The following CSMD1 variants were observed in gnomAD, a reference collection of about 807,000 sequenced individuals.
CSMD1 encodes the protein CUB and Sushi multiple domains 1.
In CSMD1, 213 loss-of-function variants were observed where a neutral mutation model predicts 417.5. The observed-to-expected ratio is 0.51, with a 90% CI of 0.46 to 0.57. The LOEUF is 0.57. Ranked by LOEUF, CSMD1 falls within the 20% of genes least tolerant of loss-of-function variation. The pLI, the probability that CSMD1 is intolerant of heterozygous loss-of-function variation, is 0.00. For missense variants in CSMD1, 6,923 were observed against 4,529.7 expected, an observed-to-expected ratio of 1.53 and a Z score of -15.17; for synonymous variants, 2,862 against 1,736.8, an observed-to-expected ratio of 1.65 and a Z score of -16.11.
At chr8:3,361,686 T>C (rs1355862051) in intron 20 of CSMD1, among the ~76,000 whole-genome samples, 1 of 150,020 alleles carries the variant, frequency 6.7e-6, no homozygotes, top group African/African-American at 2.4e-5. Context: ...ACAAAAACAT[T>C]CTTGCCAAAC....
At chr8:3,641,759 G>A (rs543956317) in intron 7 of CSMD1, among the ~76,000 whole-genome samples, 5 of 152,198 alleles carry the variant, frequency 3.3e-5, no homozygotes, top group South Asian at 2.1e-4. Context: ...GCTACCACTC[G>A]GTACCCAACC....
intron 8 of CSMD1, chr8:3,598,372 C>A (rs1801192803): frequency 6.6e-6 from 1 of 152,088 alleles, no homozygotes; most frequent in African/African-American, 2.4e-5. Flanking sequence ...TCATTTAGAT[C>A]CAGCCCTTAA....
At chr8:4,770,025 C>T (rs965887753) in intron 1 of CSMD1, among the ~76,000 whole-genome samples, 2 of 151,994 alleles carry the variant, frequency 1.3e-5, no homozygotes, top group Non-Finnish European at 2.9e-5. Flanking sequence ...TATTCTGTTA[C>T]TCCGGTTCCT....
intron 1 of CSMD1, among the ~76,000 whole-genome samples, chr8:4,717,566 C>CTAT (rs71223305): frequency 9.3e-5 from 13 of 139,380 alleles, no homozygotes; most frequent in African/African-American, 2.8e-4. Context: ...ATCTATCTAT[C>CTAT]CATCCATCCA....
intron 10 of CSMD1, among the ~76,000 whole-genome samples, chr8:3,504,949 A>T (rs1200386596): frequency 6.6e-6 from 1 of 152,188 alleles, no homozygotes; most frequent in Admixed American, 6.5e-5. Flanking sequence ...ATGCTTAAGC[A>T]CAACAACAAA....
chr8:4,323,643 A>T (rs546092597), intron 3 of CSMD1, among the ~76,000 whole-genome samples: 1 of 152,168 alleles, frequency 6.6e-6, no homozygotes, highest in South Asian at 2.1e-4. Context: ...AGGAGAAAAA[A>T]CAAATAAGGG....
At chr8:4,377,288 G>A (rs1802812823) in intron 3 of CSMD1, among the ~76,000 whole-genome samples, 1 of 152,174 alleles carries the variant, frequency 6.6e-6, no homozygotes, top group African/African-American at 2.4e-5. Flanking sequence ...GAGAGCAAAA[G>A]GGAGGAGGAG....
intron 2 of CSMD1, among the ~76,000 whole-genome samples, chr8:4,449,644 T>A (rs146763090): frequency 1.3e-5 from 2 of 152,078 alleles, no homozygotes; most frequent in East Asian, 3.9e-4. Flanking sequence ...GCAATCCACA[T>A]AGATCATGAA....
chr8:3,591,472 C>G (rs985888107), intron 8 of CSMD1, among the ~76,000 whole-genome samples: 2 of 152,150 alleles, frequency 1.3e-5, no homozygotes, highest in Non-Finnish European at 2.9e-5. Context: ...ACTTATTAAA[C>G]ATTGGTATCA....
At chr8:4,042,543 T>C (rs1170570117) in intron 3 of CSMD1, among the ~76,000 whole-genome samples, 1 of 151,864 alleles carries the variant, frequency 6.6e-6, no homozygotes, top group African/African-American at 2.4e-5. Flanking sequence ...ACAAGGAATA[T>C]TAAAATGAGT....
chr8:3,228,659 C>G (rs1217745758), intron 27 of CSMD1, among the ~76,000 whole-genome samples: 1 of 152,048 alleles, frequency 6.6e-6, no homozygotes, highest in East Asian at 1.9e-4. Context: ...AGGAGATGGC[C>G]AACTTTTATA....
rs2130116858 is a variant in CSMD1 at position 4,479,564 on chromosome 8, A to G, written c.303-59499T>C. ...CACTCGTTTCACTTCCAGAGCACAA[A>G]TAACATTTTTCTCTAAAATTTTAGT... On this transcript the variant is annotated intron_variant, in intron 2 of 69. Transcript: ENST00000635120. 1.3e-5 allele frequency among the ~76,000 whole-genome samples: 2 copies of G among 152,282 alleles called. 1 individual carries two copies. Among genetic ancestry groups the G allele is most frequent in the South Asian group, 4.1e-4 (2 of 4,828 alleles).
intron 46 of CSMD1, among the ~76,000 whole-genome samples, chr8:3,103,027 C>A (rs779484756): frequency 9.2e-5 from 14 of 152,174 alleles, no homozygotes; most frequent in Non-Finnish European, 1.6e-4. Flanking sequence ...AGACTAATCA[C>A]CCCAGCACCT....
chr8:3,237,163 A>T (rs1799202107), intron 26 of CSMD1, among the ~76,000 whole-genome samples: 1 of 151,746 alleles, frequency 6.6e-6, no homozygotes, highest in Admixed American at 6.6e-5. Flanking sequence ...AGAGAGATAT[A>T]TATATAGTCT....
chr8:4,956,596 CAG>C (rs1413646002), intron 1 of CSMD1, among the ~76,000 whole-genome samples: 2 of 150,170 alleles, frequency 1.3e-5, no homozygotes, highest in African/African-American at 4.9e-5. Flanking sequence ...ATCATCATAA[CAG>C]ATATTTTTAT....
intron 11 of CSMD1, among the ~76,000 whole-genome samples, chr8:3,475,657 T>A (rs552452225): frequency 6.6e-5 from 10 of 152,222 alleles, no homozygotes; most frequent in Non-Finnish European, 1.3e-4. Flanking sequence ...CAGATTTCAG[T>A]GAAGATACTG....
intron 8 of CSMD1, among the ~76,000 whole-genome samples, chr8:3,594,950 G>C (rs1440391760): frequency 1.3e-5 from 2 of 152,208 alleles, no homozygotes; most frequent in Non-Finnish European, 2.9e-5. Flanking sequence ...ACATCTCCTA[G>C]ATGTGGAAGA....
intron 3 of CSMD1, among the ~76,000 whole-genome samples, chr8:4,188,530 A>G (rs13282730): frequency 0.69 from 105,492 of 151,886 alleles, 36,850 homozygotes; most frequent in South Asian, 0.8. Flanking sequence ...AGTTTATTTG[A>G]GGCTGTCTTT....
intron 37 of CSMD1, among the ~76,000 whole-genome samples, chr8:3,180,003 T>G (rs531524916): frequency 1.2e-4 from 19 of 152,270 alleles, no homozygotes; most frequent in African/African-American, 4.6e-4. Context: ...ATGCATGCAT[T>G]TACATCGTAG....
Sources: allele counts gnomAD v4.1 joint callset (sites outside exome capture counted in the v4.1 genomes callset), GRCh38; gene constraint gnomAD v4.1.1; transcripts MANE v1.5; gene names NCBI Gene and HGNC (gene_info 2026-07-23, HGNC 2026-07-21).